The following EPHA6 variants were observed in gnomAD, a reference collection of about 807,000 sequenced individuals.
The protein encoded by EPHA6 is EPH receptor A6.
In EPHA6, 50 loss-of-function variants were observed where a neutral mutation model predicts 112.0. The observed-to-expected ratio is 0.45, with a 90% confidence interval of 0.36 to 0.56. The LOEUF (loss-of-function observed/expected upper bound fraction) is 0.56. EPHA6 is among the 20% of genes least tolerant of loss of function. The probability of loss-of-function intolerance (pLI) is 0.00; values close to 1 mark genes in which losing one functional copy is unlikely to be tolerated. For synonymous variants in EPHA6, 529 were observed against 490.7 expected, an observed-to-expected ratio of 1.08 and a Z score of -1.03; for missense variants, 1,280 against 1,417.4, an observed-to-expected ratio of 0.90 and a Z score of 1.56.
chr3:97,672,715 T>G (rs1320629898), intron 14 of EPHA6, among the ~76,000 whole-genome samples: 1 of 152,138 alleles, frequency 6.6e-6, no homozygotes, highest in Non-Finnish European at 1.5e-5. Flanking sequence ...ATAATCCCTT[T>G]GAACATATTG....
At chr3:97,044,070 G>C (rs1348651318) in intron 3 of EPHA6, among the ~76,000 whole-genome samples, 1 of 152,174 alleles carries the variant, frequency 6.6e-6, no homozygotes, top group East Asian at 1.9e-4. Flanking sequence ...AGTCAGTAGA[G>C]TTTTATCCTT....
chr3:96,989,689 G>A (rs2043146826), intron 3 of EPHA6, among the ~76,000 whole-genome samples: 1 of 152,076 alleles, frequency 6.6e-6, no homozygotes, highest in Non-Finnish European at 1.5e-5. Context: ...AGGCGAAGGG[G>A]AAGCATGTAT....
At chr3:96,963,176 A>G (rs907632268) in intron 2 of EPHA6, among the ~76,000 whole-genome samples, 7 of 151,848 alleles carry the variant, frequency 4.6e-5, no homozygotes, top group Admixed American at 2.6e-4. Context: ...AAAAAAAAAA[A>G]AAGAGGGGCA....
At chr3:97,045,735 T>C (rs1419466950) in intron 3 of EPHA6, among the ~76,000 whole-genome samples, 1 of 152,096 alleles carries the variant, frequency 6.6e-6, no homozygotes, top group African/African-American at 2.4e-5. Flanking sequence ...TTGTACGTTT[T>C]TTGAAAAGTA....
intron 6 of EPHA6, among the ~76,000 whole-genome samples, chr3:97,438,727 T>C (rs1003870258): frequency 6.6e-5 from 10 of 152,168 alleles, no homozygotes; most frequent in Admixed American, 5.9e-4. Flanking sequence ...CTGGAATAAA[T>C]GCACCACCCA....
intron 1 of EPHA6, among the ~76,000 whole-genome samples, chr3:96,857,228 A>C (rs965665834): frequency 1.3e-5 from 2 of 152,114 alleles, no homozygotes; most frequent in Admixed American, 6.6e-5. Context: ...TTTTGCATTT[A>C]CTTTATTGCA....
At chr3:97,691,220 C>T (rs539856205) in intron 14 of EPHA6, among the ~76,000 whole-genome samples, 17 of 152,176 alleles carry the variant, frequency 1.1e-4, no homozygotes, top group Non-Finnish European at 2.2e-4. Flanking sequence ...ATTATCTTGG[C>T]CCCTTTGTCT....
At chr3:97,087,248 A>G (rs1434703961) in intron 3 of EPHA6, among the ~76,000 whole-genome samples, 2 of 152,142 alleles carry the variant, frequency 1.3e-5, no homozygotes, top group Non-Finnish European at 2.9e-5. Context: ...CCCAGACTGC[A>G]ACAGTCACTA....
At chr3:97,202,821 C>A (rs965628145) in intron 3 of EPHA6, among the ~76,000 whole-genome samples, 1 of 152,066 alleles carries the variant, frequency 6.6e-6, no homozygotes, top group Non-Finnish European at 1.5e-5. Flanking sequence ...ATGTTTTCTG[C>A]TCTTGAGAAT....
At chr3:97,522,415 C>T (rs371384332) in intron 10 of EPHA6, among the ~76,000 whole-genome samples, 28 of 152,226 alleles carry the variant, frequency 1.8e-4, no homozygotes, top group African/African-American at 6.3e-4. Context: ...ATCATGGTGA[C>T]TGACTATTTT....
At chr3:97,433,867 C>T (rs771811138) in intron 6 of EPHA6, among the ~76,000 whole-genome samples, 2 of 152,042 alleles carry the variant, frequency 1.3e-5, no homozygotes, top group African/African-American at 4.8e-5. Flanking sequence ...TCCCTGGACA[C>T]GGGATACATG....
chr3:97,103,183 A>T (rs146423133), intron 3 of EPHA6, among the ~76,000 whole-genome samples: 6 of 151,944 alleles, frequency 3.9e-5, no homozygotes, highest in Non-Finnish European at 5.9e-5. Context: ...TGCTTTTGGC[A>T]TATTTGTCAT....
At chr3:97,265,825 C>G (rs1192165341) in intron 5 of EPHA6, among the ~76,000 whole-genome samples, 2 of 152,232 alleles carry the variant, frequency 1.3e-5, no homozygotes, top group Admixed American at 1.3e-4. Context: ...AGCAGCGGCT[C>G]CAGATGGCCC....
At chr3:97,421,604 CTT>C (rs2088635666) in intron 6 of EPHA6, among the ~76,000 whole-genome samples, 1 of 152,064 alleles carries the variant, frequency 6.6e-6, no homozygotes, top group Non-Finnish European at 1.5e-5. Context: ...TAGCAGATCT[CTT>C]TGTGGAAATC....
intron 7 of EPHA6, among the ~76,000 whole-genome samples, chr3:97,464,418 G>A (rs2107404859): frequency 6.6e-6 from 1 of 152,158 alleles, no homozygotes; most frequent in Non-Finnish European, 1.5e-5. Flanking sequence ...ATCAATAGAT[G>A]ATATAAATGG....
intron 14 of EPHA6, among the ~76,000 whole-genome samples, chr3:97,670,060 C>T (rs190970656): frequency 1.6e-3 from 251 of 152,156 alleles, no homozygotes; most frequent in Non-Finnish European, 3.0e-3. Context: ...AATAAATACC[C>T]CACCTAAAAA....
intron 1 of EPHA6, among the ~76,000 whole-genome samples, chr3:96,834,359 T>G (rs569457238): frequency 1.3e-5 from 2 of 152,156 alleles, no homozygotes; most frequent in East Asian, 3.9e-4. Context: ...AAAAGTCATG[T>G]GTAACCTAGG....
intron 3 of EPHA6, among the ~76,000 whole-genome samples, chr3:97,069,764 G>A (rs992879847): frequency 1.1e-4 from 16 of 152,032 alleles, no homozygotes; most frequent in African/African-American, 3.9e-4. Flanking sequence ...GCTTATATTA[G>A]ATGCTCATTC....
rs142413756 is a variant in EPHA6 at position 97,042,501 on chromosome 3, G to A, written c.1114+54508G>A. Among the ~76,000 whole-genome samples, 41 of 152,188 alleles carry A rather than the reference G, an allele frequency of 2.7e-4. No homozygotes were observed. In the East Asian group the frequency reaches 6.0e-3, roughly 22 times the overall value. ...TGCAAAAATGCCCTCATACAGTGTG[G>A]TTCTTATCTCAGCCCAAATTATTGA... On this transcript the variant is annotated intron_variant, in intron 3 of 17. Coordinates refer to ENST00000389672, the MANE Select transcript of EPHA6 (RefSeq NM_001080448.3).
Sources: gnomAD v4.1 joint callset for allele counts (sites outside exome capture counted in the v4.1 genomes callset) on GRCh38, gnomAD v4.1.1 for gene constraint, MANE v1.5 for transcripts, NCBI Gene and HGNC (gene_info 2026-07-23, HGNC 2026-07-21) for gene names.